RERE: variants seen among roughly 807,000 people sequenced by gnomAD.
RERE encodes the protein arginine-glutamic acid dipeptide repeats protein.
A neutral mutation model predicts 146.1 loss-of-function variants in RERE; 40 were observed. That is an observed-to-expected ratio of 0.27 (90% CI 0.21 to 0.36). The LOEUF (loss-of-function observed/expected upper bound fraction) is 0.36. RERE is among the 10% of genes least tolerant of loss of function. The pLI, the probability that RERE is intolerant of heterozygous loss-of-function variation, is 1.00. For synonymous variants in RERE, 1,003 were observed against 866.0 expected (o/e 1.16, Z -2.78); for missense variants, 1,933 against 2,138.7 (o/e 0.90, Z 1.90).
At chr1:8,787,968 C>T (rs1388861638) in intron 1 of RERE, among the ~76,000 whole-genome samples, 4 of 151,976 alleles carry the variant, frequency 2.6e-5, no homozygotes, top group East Asian at 3.9e-4. Flanking sequence ...CATAGTGGCG[C>T]ACACCTGTAG....
In RERE at chr1:8,417,616, T is replaced by C. The variant is rs140318885; in HGVS notation, c.1284+5111A>G. ...GTCCCTATCTGTCTTCCTACAAGAC[T>C]AAATTATAAGAAGAGCCTCCTCTTT... On this transcript the variant is annotated intron_variant, in intron 12 of 22. Coordinates refer to ENST00000400908, the MANE Select transcript of RERE (RefSeq NM_001042681.2). Among the ~76,000 whole-genome samples the C allele has an allele frequency of 3.6e-4, 55 of 152,260 alleles. No homozygotes were observed. In the East Asian group the frequency reaches 0.011, roughly 29 times the overall value.
intron 6 of RERE, among the ~76,000 whole-genome samples, chr1:8,552,676 A>G (rs1387916769): frequency 6.6e-6 from 1 of 152,232 alleles, no homozygotes; most frequent in Non-Finnish European, 1.5e-5. Flanking sequence ...ACCTTCGTGA[A>G]GAGAAAGAGA....
At chr1:8,391,859 C>A (rs930751294) in intron 12 of RERE, among the ~76,000 whole-genome samples, 8 of 152,084 alleles carry the variant, frequency 5.3e-5, no homozygotes, top group African/African-American at 1.9e-4. Context: ...AACCCTGTCT[C>A]TACTAAATAA....
At chr1:8,597,015 A>G (rs1174591280) in intron 4 of RERE, among the ~76,000 whole-genome samples, 1 of 152,198 alleles carries the variant, frequency 6.6e-6, no homozygotes, top group Non-Finnish European at 1.5e-5. Flanking sequence ...AATAAAAGGA[A>G]AAGTTAACTG....
chr1:8,581,116 G>A (rs1242796352), intron 4 of RERE, among the ~76,000 whole-genome samples: 1 of 152,188 alleles, frequency 6.6e-6, no homozygotes, highest in East Asian at 1.9e-4. Context: ...AACAATGTAT[G>A]AGAACTTGCA....
intron 1 of RERE, among the ~76,000 whole-genome samples, chr1:8,683,943 A>AAATC (rs952537988): frequency 5.3e-5 from 8 of 152,176 alleles, no homozygotes; most frequent in East Asian, 1.9e-4. Flanking sequence ...ACTCCATCTC[A>AAATC]AATCAATCAA....
At chr1:8,377,365 T>C (rs1407822366) in intron 12 of RERE, among the ~76,000 whole-genome samples, 1 of 152,228 alleles carries the variant, frequency 6.6e-6, no homozygotes, top group Admixed American at 6.5e-5. Flanking sequence ...ATATTTTAAG[T>C]GTAATAATGC....
At chr1:8,451,166 C>G (rs1471818816) in intron 11 of RERE, among the ~76,000 whole-genome samples, 1 of 152,218 alleles carries the variant, frequency 6.6e-6, no homozygotes, top group East Asian at 1.9e-4. Flanking sequence ...CGCGGTGGCT[C>G]ACACCTGTAA....
Position 8,495,170 on chromosome 1 carries a change from AG to A in RERE, c.1005-9del. On this transcript the variant is annotated splice_polypyrimidine_tract_variant and intron_variant, in intron 9 of 22. Transcript: ENST00000400908. ...GCAAATGCCGCCATGCTCCTTCAGA[AG>A]AAAAGGTTTTTCCTTTATTAGTACA... 1 of 1,608,404 alleles carries A rather than the reference AG, an allele frequency of 6.2e-7. No homozygotes were observed. The highest frequency in any genetic ancestry group is 8.5e-7 in the Non-Finnish European group (1 of 1,174,900).
intron 1 of RERE, chr1:8,753,956 T>C (rs1372261039): frequency 6.6e-6 from 1 of 152,220 alleles, no homozygotes; most frequent in Admixed American, 6.5e-5. Flanking sequence ...CCAGTTTTTT[T>C]CCATGCTTTT....
intron 12 of RERE, among the ~76,000 whole-genome samples, chr1:8,415,290 G>A (rs1643730141): frequency 6.6e-6 from 1 of 152,112 alleles, no homozygotes; most frequent in Admixed American, 6.5e-5. Context: ...TAATAAAATG[G>A]TGCAGACTAT....
chr1:8,614,532 A>T (rs1170526016), intron 4 of RERE, 29 bp downstream of exon 4: 2 of 1,598,234 alleles, frequency 1.3e-6, no homozygotes, highest in Non-Finnish European at 8.5e-7. Context: ...TAAAATACTG[A>T]TAGCTTTTAA....
At position 8,656,060 on chromosome 1, in the gene RERE, G is replaced by C; in HGVS notation, c.238C>G (p.Pro80Ala). 6.2e-7 allele frequency: 1 copy of C among 1,613,742 alleles called. No individual in the cohort carries two copies. Among genetic ancestry groups the C allele is most frequent in the East Asian group, 2.2e-5 (1 of 44,882 alleles). Residue 80 changes from proline to alanine, a missense_variant, in exon 2 of 23, where the codon CCG (proline) becomes GCG (alanine). Around this residue, in one of 11 missense-constraint regions of RERE, gnomAD observed 107 missense variants for 119.7 expected, o/e 0.89. Transcript: ENST00000400908. ...CTTTCATAACGAGACTTTTTTTTCG[G>C]TGGTTTCTTCTTATTCTTCTTCGTG... Reference protein sequence around the residue: ...ESTKKNKKKPPKKKSRYERTD... With the variant: ...ESTKKNKKKPAKKKSRYERTD...
chr1:8,698,596 GAAAC>G (rs1231436947), intron 1 of RERE, among the ~76,000 whole-genome samples: 1 of 152,180 alleles, frequency 6.6e-6, no homozygotes, highest in Non-Finnish European at 1.5e-5. Flanking sequence ...CAAGATATGA[GAAAC>G]AAATCTAATT....
intron 7 of RERE, among the ~76,000 whole-genome samples, chr1:8,515,798 G>A (rs1022324038): frequency 6.6e-6 from 1 of 152,084 alleles, no homozygotes; most frequent in Non-Finnish European, 1.5e-5. Flanking sequence ...TCCTAGCCAA[G>A]ACATATAAAG....
chr1:8,686,745 A>G (rs1639095357), intron 1 of RERE, among the ~76,000 whole-genome samples: 1 of 152,118 alleles, frequency 6.6e-6, no homozygotes, highest in Admixed American at 6.6e-5. Flanking sequence ...AGCGAAACTC[A>G]GTCTCAAAAA....
At chr1:8,443,319 C>A (rs301817) in intron 11 of RERE, among the ~76,000 whole-genome samples, 92,970 of 151,510 alleles carry the variant, frequency 0.61, 29,114 homozygotes, top group East Asian at 0.83. Context: ...AAAATTAGCC[C>A]GGCATGATGG....
chr1:8,690,879 T>C (rs2124417352), intron 1 of RERE, among the ~76,000 whole-genome samples: 1 of 152,178 alleles, frequency 6.6e-6, no homozygotes, highest in Middle Eastern at 3.4e-3. Flanking sequence ...AAAATTTTAG[T>C]TTATTTTTTA....
At chr1:8,586,255 G>A (rs1348486082) in intron 4 of RERE, among the ~76,000 whole-genome samples, 1 of 152,170 alleles carries the variant, frequency 6.6e-6, no homozygotes, top group Non-Finnish European at 1.5e-5. Context: ...ATAGTGTACA[G>A]ACATCTACAC....
Sources: allele counts gnomAD v4.1 joint callset (sites outside exome capture counted in the v4.1 genomes callset), GRCh38; gene constraint gnomAD v4.1.1; regional missense constraint gnomAD v4.1.1; transcripts MANE v1.5; gene names NCBI Gene and HGNC (gene_info 2026-07-23, HGNC 2026-07-21).